ACTR3: variants seen among roughly 807,000 people sequenced by gnomAD.
The protein encoded by ACTR3 is actin related protein 3, also known as actin-related protein 3.
Under a neutral mutation model 56.8 loss-of-function variants are expected in ACTR3, and 12 were observed. The ratio of observed to expected loss-of-function variants is 0.21; its 90% CI spans 0.14 to 0.34. The LOEUF is 0.34. ACTR3 is among the 10% of genes least tolerant of loss of function. ACTR3 has a pLI of 1.00. For missense variants in ACTR3, 282 were observed against 512.5 expected (o/e 0.55, Z 4.34); for synonymous variants, 162 against 167.4 (o/e 0.97, Z 0.25).
intron 4 of ACTR3, among the ~76,000 whole-genome samples, chr2:113,928,048 C>T (rs1328542657): frequency 1.3e-5 from 2 of 151,698 alleles, no homozygotes; most frequent in African/African-American, 2.4e-5. Context: ...TTTCTTCTGT[C>T]TTTAAGAATA....
At chr2:113,906,455 A>G (rs1313430249) in intron 1 of ACTR3, among the ~76,000 whole-genome samples, 5 of 152,148 alleles carry the variant, frequency 3.3e-5, no homozygotes, top group Non-Finnish European at 1.5e-5. Context: ...CCTTTGATAC[A>G]CAAGTTTTTA....
chr2:113,921,899 AAC>A (rs919911545), intron 3 of ACTR3, among the ~76,000 whole-genome samples: 2 of 152,156 alleles, frequency 1.3e-5, no homozygotes, highest in African/African-American at 4.8e-5. Context: ...AGGGGAAGAG[AAC>A]TAAGACAGAG....
chr2:113,926,665 T>G (rs1679625583), intron 3 of ACTR3, among the ~76,000 whole-genome samples: 1 of 152,172 alleles, frequency 6.6e-6, no homozygotes, highest in Non-Finnish European at 1.5e-5. Context: ...TCTGGAGAAT[T>G]AACTCAGTCC....
chr2:113,896,979 A>G (rs1406750074), intron 1 of ACTR3, among the ~76,000 whole-genome samples: 2 of 152,236 alleles, frequency 1.3e-5, no homozygotes, highest in Admixed American at 6.5e-5. Context: ...ATGTAGCAAC[A>G]TGTGTTTCCT....
Position 113,890,278 on chromosome 2 carries a change from A to G in ACTR3, c.-2A>G. On this transcript the variant is annotated 5_prime_UTR_variant, in exon 1 of 12. Coordinates refer to ENST00000263238, the MANE Select transcript of ACTR3 (RefSeq NM_005721.5). ...CAGCAGCAGCAGCAGGCGAGGAGGAAGATGGCGGGACGGCTGCCGGCCTGT... is the reference window on the plus strand; with the variant it reads ...CAGCAGCAGCAGCAGGCGAGGAGGAGGATGGCGGGACGGCTGCCGGCCTGT... 1 of 1,334,894 alleles carries G rather than the reference A, an allele frequency of 7.5e-7. No homozygotes were observed. The highest frequency in any genetic ancestry group is 1.2e-5 in the South Asian group (1 of 81,570). 82.7% of individuals were successfully genotyped at this position (1,334,894 alleles called of 1,614,324 possible).
Position 113,957,468 on chromosome 2 carries a change from A to T in ACTR3, c.*13A>T, listed in dbSNP as rs1008525166. On this transcript the variant is annotated 3_prime_UTR_variant, in exon 12 of 12. Coordinates refer to ENST00000263238, the MANE Select transcript of ACTR3 (RefSeq NM_005721.5). The stretch of plus-strand genomic sequence containing the variant: ...AGTCATGTCGTAAAATTGGCTTCAT[A>T]GTTATTGGGGTTAGGGAGGTGGGGA... 2 of 1,605,910 alleles carry T rather than the reference A, an allele frequency of 1.2e-6. No homozygotes were observed. The highest frequency in any genetic ancestry group is 3.3e-5 in the Admixed American group (2 of 59,896).
chr2:113,955,486 C>T, intron 10 of ACTR3, 137 bp from the exon 11 acceptor site: 1 of 615,012 alleles, frequency 1.6e-6, no homozygotes, highest in Admixed American at 3.0e-5. Flanking sequence ...CAGCCAATCT[C>T]AATTGTTTCT....
intron 2 of ACTR3, among the ~76,000 whole-genome samples, chr2:113,913,783 A>G (rs780025720): frequency 3.4e-4 from 52 of 152,108 alleles, no homozygotes; most frequent in Non-Finnish European, 7.4e-5. Context: ...ATTTTTGTTA[A>G]TCTTGCTTAA....
intron 5 of ACTR3, among the ~76,000 whole-genome samples, chr2:113,933,057 C>T (rs956439360): frequency 6.6e-6 from 1 of 152,090 alleles, no homozygotes; most frequent in African/African-American, 2.4e-5. Context: ...TTTCTTAATT[C>T]TCACACTTAA....
At chr2:113,914,386 G>A (rs1679364540) in intron 2 of ACTR3, among the ~76,000 whole-genome samples, 1 of 152,122 alleles carries the variant, frequency 6.6e-6, no homozygotes, top group Non-Finnish European at 1.5e-5. Context: ...GCCGAGGCGG[G>A]CAGATCACGA....
rs536781766 is a variant in ACTR3, at chr2:113,955,532, T to C, written c.1078-91T>C. The C allele has an allele frequency of 1.7e-5, 16 of 924,040 alleles. No individual in the cohort carries two copies. In the Admixed American group the frequency reaches 2.4e-4, roughly 14 times the overall value. The allele number at this position is 924,040 out of a possible 1,614,324, so 57.2% of individuals were successfully genotyped here. A position where few individuals can be genotyped will look rare whatever the true frequency, so the allele number is the denominator to read the frequency against. On this transcript the variant is annotated intron_variant, in intron 10 of 11. Coordinates refer to ENST00000263238, the MANE Select transcript of ACTR3 (RefSeq NM_005721.5). ...ATACCACCTGAATTTAGTACAGATA[T>C]TATTTTTGTATATGTACATTTAAGG...
At position 113,903,553 on chromosome 2, in the gene ACTR3, T is replaced by C. The variant is rs1434588629; in HGVS notation, c.45-9619T>C. Reference sequence around the variant, plus strand: ...GCTAATTGTCTTTTTTTTTTTTTTTTTGAGACGGAGTCTCGCTCCGTTGCT... The same window carrying C: ...GCTAATTGTCTTTTTTTTTTTTTTTCTGAGACGGAGTCTCGCTCCGTTGCT... On this transcript the variant is annotated intron_variant, in intron 1 of 11. Coordinates refer to ENST00000263238, the MANE Select transcript of ACTR3 (RefSeq NM_005721.5). Among the ~76,000 whole-genome samples, 3 of 148,874 alleles carry C rather than the reference T, an allele frequency of 2.0e-5. No individual in the cohort carries two copies. In the East Asian group the frequency reaches 5.8e-4, roughly 29 times the overall value.
chr2:113,929,108 G>A lies in ACTR3; in HGVS notation c.336+1653G>A, dbSNP rs144324991. Among the ~76,000 whole-genome samples the A allele has an allele frequency of 4.0e-5, 6 of 151,640 alleles. No homozygotes were observed. In the East Asian group the frequency reaches 1.2e-3, roughly 29 times the overall value. On this transcript the variant is annotated intron_variant, in intron 4 of 11. Coordinates refer to ENST00000263238, the MANE Select transcript of ACTR3 (RefSeq NM_005721.5). ...GCCTCACTTTATCCATTTTCCTGTT[G>A]ATGAATACCTGGGCTATTTTTGTTT...
intron 1 of ACTR3, among the ~76,000 whole-genome samples, chr2:113,893,517 C>G (rs540425322): frequency 3.3e-5 from 5 of 152,278 alleles, no homozygotes; most frequent in Non-Finnish European, 5.9e-5. Flanking sequence ...TGGTCTCCAT[C>G]TCCTGACCTC....
Position 113,957,440 on chromosome 2 carries a change from T to C in ACTR3, c.1242T>C (p.Phe414=). The part of the protein sequence containing the change: ...GPSICRHNPV[F]GVMS ...GCATTTGTCGTCACAATCCAGTGTT[T>C]GGAGTCATGTCGTAAAATTGGCTTC... The change falls in exon 12 of 12, where the codon TTT becomes TTC. Residue 414 remains phenylalanine, a synonymous_variant. Transcript: ENST00000263238. 1.2e-6 allele frequency: 2 copies of C among 1,613,116 alleles called. No individual in the cohort carries two copies. Among genetic ancestry groups the C allele is most frequent in the Non-Finnish European group, 1.7e-6 (2 of 1,179,364 alleles).
chr2:113,895,663 G>T (rs1383314019), intron 1 of ACTR3, among the ~76,000 whole-genome samples: 4 of 152,070 alleles, frequency 2.6e-5, no homozygotes, highest in Admixed American at 6.6e-5. Flanking sequence ...GAAAAGATTG[G>T]TTTTTTCCTT....
At chr2:113,951,075 C>T (rs1483765531) in intron 8 of ACTR3, 1 of 159,248 alleles carries the variant, frequency 6.3e-6, no homozygotes, top group African/African-American at 2.4e-5. Flanking sequence ...CCTCCCACAA[C>T]ACGTGGAAAT....
At chr2:113,900,791 G>T (rs1679085971) in intron 1 of ACTR3, among the ~76,000 whole-genome samples, 1 of 152,278 alleles carries the variant, frequency 6.6e-6, no homozygotes, top group South Asian at 2.1e-4. Context: ...TTAAGGTTTA[G>T]GCTTGAAGGG....
chr2:113,937,539 G>C lies in ACTR3; in HGVS notation c.541-2420G>C, dbSNP rs1350387476. ...TCAACATTTCTTATAGTGCTGATCT[G>C]CTGGCTTTGAATTCTTTCAACTTTT... On this transcript the variant is annotated intron_variant, in intron 6 of 11. Coordinates refer to ENST00000263238, the MANE Select transcript of ACTR3 (RefSeq NM_005721.5). Among the ~76,000 whole-genome samples, 3 of 152,166 alleles carry C rather than the reference G, an allele frequency of 2.0e-5. No homozygotes were observed. The East Asian group carries it at 5.8e-4, about 29-fold the overall frequency.
Sources: allele counts gnomAD v4.1 joint callset (sites outside exome capture counted in the v4.1 genomes callset), GRCh38; gene constraint gnomAD v4.1.1; transcripts MANE v1.5; gene names NCBI Gene and HGNC (gene_info 2026-07-23, HGNC 2026-07-21).